PEX14: variants seen among roughly 807,000 people sequenced by gnomAD.
PEX14 encodes the protein peroxisomal membrane protein PEX14.
Under a neutral mutation model 49.5 loss-of-function variants are expected in PEX14, and 15 were observed. The observed-to-expected ratio is 0.30, with a 90% confidence interval of 0.20 to 0.47. The LOEUF (loss-of-function observed/expected upper bound fraction) is 0.47, where lower values mean the gene tolerates loss of function less well. PEX14 is among the 20% of genes least tolerant of loss of function. The pLI, the probability that PEX14 is intolerant of heterozygous loss-of-function variation, is 1.00. For synonymous variants in PEX14, 210 were observed against 212.7 expected, an observed-to-expected ratio of 0.99 and a Z score of 0.11; for missense variants, 398 against 494.8, an observed-to-expected ratio of 0.80 and a Z score of 1.86.
chr1:10,487,576 C>A (rs1641393455), intron 1 of PEX14, among the ~76,000 whole-genome samples: 1 of 149,528 alleles, frequency 6.7e-6, no homozygotes, highest in Non-Finnish European at 1.5e-5. Context: ...CCTCTACCTC[C>A]CAGGTTCAAG....
chr1:10,537,081 G>A (rs990112029), intron 3 of PEX14, among the ~76,000 whole-genome samples: 1 of 152,108 alleles, frequency 6.6e-6, no homozygotes, highest in Non-Finnish European at 1.5e-5. Flanking sequence ...TCTGAGTTTT[G>A]AGCTTTCAGT....
rs934417001 is a variant in PEX14 at position 10,599,304 on chromosome 1, C to T, written c.236C>T (p.Ser79Phe). ...GGCACTGCTGCCGATGAGCCTTCGT[C>T]CTTGGGCCCAGCCACACAGGTGGTT... ...QSGTAADEPS[S>F]LGPATQVVPV... is the part of the protein sequence containing the mutation. The change falls in exon 4 of 9, where the codon TCC becomes TTC. Residue 79 changes from serine (S) to phenylalanine (F), a missense_variant. Ser to Phe is a radical substitution (Grantham distance 155). Around this residue, in one of 3 missense-constraint regions of PEX14, gnomAD observed 202 missense variants for 298.5 expected, o/e 0.68. Coordinates refer to ENST00000356607, the MANE Select transcript of PEX14 (RefSeq NM_004565.3). The T allele has an allele frequency of 4.3e-6, 7 of 1,614,158 alleles. No homozygotes were observed. Among genetic ancestry groups the T allele is most frequent in the Non-Finnish European group, 5.9e-6 (7 of 1,179,994 alleles).
intron 2 of PEX14, among the ~76,000 whole-genome samples, chr1:10,506,292 T>G (rs1215456492): frequency 1.3e-5 from 2 of 152,162 alleles, no homozygotes; most frequent in Non-Finnish European, 2.9e-5. Flanking sequence ...GTGTGTTTTT[T>G]TGAGATGGAG....
At chr1:10,518,755 G>A (rs911529695) in intron 2 of PEX14, among the ~76,000 whole-genome samples, 3 of 152,268 alleles carry the variant, frequency 2.0e-5, no homozygotes, top group South Asian at 2.1e-4. Context: ...TGCTTCCTGC[G>A]TTCCCAGCCC....
At chr1:10,624,166 G>C (rs182497449) in intron 6 of PEX14, among the ~76,000 whole-genome samples, 174 bp from the exon 7 acceptor site, 1 of 152,248 alleles carries the variant, frequency 6.6e-6, no homozygotes, top group Admixed American at 6.5e-5. Flanking sequence ...GTTAGATACA[G>C]TGCAGGCAGA....
At position 10,630,162 on chromosome 1, in the gene PEX14, C is replaced by G; in HGVS notation, c.*175C>G. 1 of 1,025,348 alleles carries G rather than the reference C, an allele frequency of 9.8e-7. No individual in the cohort carries two copies. Among genetic ancestry groups the G allele is most frequent in the Non-Finnish European group, 1.4e-6 (1 of 720,120 alleles). The allele number at this position is 1,025,348 out of a possible 1,614,324, so 63.5% of individuals were successfully genotyped here. ...TGTGGGGAGTCACACTTCTGTCCAC[C>G]TGGCCTCCTCTCGCCTGGCCGCCAG... On this transcript the variant is annotated 3_prime_UTR_variant, in exon 9 of 9. Transcript: ENST00000356607. The surrounding 1 kb of genome is among the most constrained non-coding windows in gnomAD (Gnocchi z 4.1).
rs1227197856 is a variant in PEX14, at chr1:10,484,703, TC to T, written c.36+9702del. Among the ~76,000 whole-genome samples the T allele has an allele frequency of 1.3e-5, 2 of 151,562 alleles. 1 individual carries two copies. Among genetic ancestry groups the T allele is most frequent in the African/African-American group, 4.9e-5 (2 of 40,900 alleles). On this transcript the variant is annotated intron_variant, in intron 1 of 8. Coordinates refer to ENST00000356607, the MANE Select transcript of PEX14 (RefSeq NM_004565.3). ...GTCTCACCAGGCTACTATTGAGAAA[TC>T]TGTCAGGACTGTGGTCGCTGACTAG...
chr1:10,495,468 G>A lies in PEX14; in HGVS notation c.84+147G>A. 1 of 713,710 alleles carries A rather than the reference G, an allele frequency of 1.4e-6. No homozygotes were observed. The highest frequency in any genetic ancestry group is 2.0e-5 in the Admixed American group (1 of 48,878). 44.2% of individuals were successfully genotyped at this position (713,710 alleles called of 1,614,324 possible). A position where few individuals can be genotyped will look rare whatever the true frequency, so the allele number is the denominator to read the frequency against. ...GAGACTGCCTCTGTCAGTGACCTCT[G>A]ACTTCTCTTCTCGCGTGTGGGGACG... On this transcript the variant is annotated intron_variant, in intron 2 of 8. Transcript: ENST00000356607. This position sits in a 1 kb window ranked among gnomAD's most constrained non-coding sequence, Gnocchi z 4.2.
intron 2 of PEX14, among the ~76,000 whole-genome samples, chr1:10,526,885 T>C (rs1399492067): frequency 6.6e-6 from 1 of 152,014 alleles, no homozygotes; most frequent in African/African-American, 2.4e-5. Flanking sequence ...CAGATCTTGA[T>C]TGTTGACTTT....
chr1:10,485,883 G>A (rs1641359347), intron 1 of PEX14, among the ~76,000 whole-genome samples: 1 of 150,842 alleles, frequency 6.6e-6, no homozygotes, highest in Admixed American at 6.6e-5. Context: ...AGACTCCCTA[G>A]TAGCTGAGAT....
intron 2 of PEX14, among the ~76,000 whole-genome samples, chr1:10,520,145 C>CTTTTTTTTT (rs1412156646): frequency 7.8e-5 from 5 of 64,446 alleles, no homozygotes; most frequent in African/African-American, 3.0e-4. Context: ...TGGCCTTCTT[C>CTTTTTTTTT]TTCTTTTTTT....
At chr1:10,575,218 C>T (rs978763307) in intron 3 of PEX14, among the ~76,000 whole-genome samples, 1 of 151,980 alleles carries the variant, frequency 6.6e-6, no homozygotes, top group East Asian at 1.9e-4. Context: ...CTAGAAGATG[C>T]AATAATCATG....
At chr1:10,592,609 T>A (rs1023892670) in intron 3 of PEX14, among the ~76,000 whole-genome samples, 3 of 152,172 alleles carry the variant, frequency 2.0e-5, no homozygotes, top group Non-Finnish European at 2.9e-5. Flanking sequence ...CCTCCTTATG[T>A]GGAAGGAGCT....
chr1:10,504,920 A>G lies in PEX14; in HGVS notation c.84+9599A>G, dbSNP rs143666328. Among the ~76,000 whole-genome samples, 578 of 151,872 alleles carry G rather than the reference A, an allele frequency of 3.8e-3. 5 individuals carry two copies. The highest frequency in any genetic ancestry group is 0.013 in the African/African-American group (554 of 41,402). On this transcript the variant is annotated intron_variant, in intron 2 of 8. Coordinates refer to ENST00000356607, the MANE Select transcript of PEX14 (RefSeq NM_004565.3). Reference sequence around the variant, plus strand: ...TCCTGCCTCCTCCTCAGTAGCTGAGATTACAGGTGTGCGCCACCACACCCA... The same window carrying G: ...TCCTGCCTCCTCCTCAGTAGCTGAGGTTACAGGTGTGCGCCACCACACCCA...
chr1:10,619,351 C>T (rs1641526661), intron 5 of PEX14, among the ~76,000 whole-genome samples: 1 of 147,340 alleles, frequency 6.8e-6, no homozygotes, highest in Admixed American at 6.8e-5. Flanking sequence ...GAGTCTCGCT[C>T]TGTCACCTAG....
intron 3 of PEX14, among the ~76,000 whole-genome samples, chr1:10,570,660 T>G (rs1234029273): frequency 6.6e-6 from 1 of 152,138 alleles, no homozygotes; most frequent in Non-Finnish European, 1.5e-5. Context: ...GTTTTCCATT[T>G]TCCCTCAAAT....
chr1:10,502,971 A>T (rs755161481), intron 2 of PEX14, among the ~76,000 whole-genome samples: 17 of 151,366 alleles, frequency 1.1e-4, no homozygotes, highest in South Asian at 6.3e-4. Context: ...CTAATTTTTT[A>T]AAAAAATTGT....
intron 3 of PEX14, among the ~76,000 whole-genome samples, chr1:10,591,979 GGA>G (rs1640681684): frequency 6.6e-6 from 1 of 151,458 alleles, no homozygotes; most frequent in Non-Finnish European, 1.5e-5. Flanking sequence ...AAAAAGAACA[GGA>G]GAGAGGTCAG....
At chr1:10,559,998 C>G (rs896889143) in intron 3 of PEX14, among the ~76,000 whole-genome samples, 7 of 152,084 alleles carry the variant, frequency 4.6e-5, no homozygotes, top group African/African-American at 1.7e-4. Context: ...TCCCATTGCT[C>G]CTAGGATCAA....
Sources: allele counts gnomAD v4.1 joint callset (sites outside exome capture counted in the v4.1 genomes callset), GRCh38; gene constraint gnomAD v4.1.1; regional missense constraint gnomAD v4.1.1; non-coding constraint Gnocchi (gnomAD v3.1); transcripts MANE v1.5; gene names NCBI Gene and HGNC (gene_info 2026-07-23, HGNC 2026-07-21).